Variants in OLFM3 observed in about 807,000 individuals in gnomAD.
The protein encoded by OLFM3 is olfactomedin 3, also known as noelin-3.
OLFM3 carries 20 observed loss-of-function variants against 48.6 expected under a neutral mutation model. The ratio of observed to expected loss-of-function variants is 0.41; its 90% CI spans 0.29 to 0.60. The LOEUF (loss-of-function observed/expected upper bound fraction) is 0.60, where lower values mean the gene tolerates loss of function less well. Among genes scored for constraint, OLFM3 ranks in the 20% least tolerant of loss-of-function variants. OLFM3 has a pLI of 0.28. For missense variants in OLFM3, 437 were observed against 544.3 expected (o/e 0.80, Z 1.96); for synonymous variants, 222 against 198.1 (o/e 1.12, Z -1.01).
At chr1:101,901,156 C>T (rs1658374943) in intron 1 of OLFM3, among the ~76,000 whole-genome samples, 1 of 151,678 alleles carries the variant, frequency 6.6e-6, no homozygotes, top group Non-Finnish European at 1.5e-5. Context: ...ACCAGCACCC[C>T]TGCTGGTTTT....
intron 1 of OLFM3, among the ~76,000 whole-genome samples, chr1:101,951,895 C>G (rs974015505): frequency 3.9e-5 from 6 of 151,988 alleles, no homozygotes; most frequent in Non-Finnish European, 7.4e-5. Context: ...ATTTTTCTAT[C>G]TTTATAAAGA....
At chr1:101,925,963 A>T (rs1432852511) in intron 1 of OLFM3, among the ~76,000 whole-genome samples, 1 of 152,186 alleles carries the variant, frequency 6.6e-6, no homozygotes, top group Non-Finnish European at 1.5e-5. Context: ...GAATATATTA[A>T]TCACATTTTT....
intron 1 of OLFM3, among the ~76,000 whole-genome samples, chr1:101,929,291 T>C (rs1659372090): frequency 6.6e-6 from 1 of 152,140 alleles, no homozygotes; most frequent in Admixed American, 6.6e-5. Flanking sequence ...GCTAAGTCCT[T>C]CCAAAAGTAT....
chr1:101,808,677 C>T (rs1653900335), intron 4 of OLFM3, among the ~76,000 whole-genome samples: 1 of 151,838 alleles, frequency 6.6e-6, no homozygotes, highest in Admixed American at 6.6e-5. Flanking sequence ...GCCTCCTACA[C>T]AATGACGTTG....
intron 1 of OLFM3, among the ~76,000 whole-genome samples, chr1:101,966,317 T>TTGTGTGTGTG (rs60173488): frequency 9.4e-4 from 121 of 128,148 alleles, no homozygotes; most frequent in Middle Eastern, 3.9e-3. Context: ...CCTGGCTAAT[T>TTGTGTGTGTG]TGTGTGTGTG....
intron 1 of OLFM3, among the ~76,000 whole-genome samples, chr1:101,897,550 G>A (rs979823074): frequency 3.9e-5 from 6 of 152,092 alleles, no homozygotes; most frequent in African/African-American, 1.2e-4. Flanking sequence ...GTGAAAAACA[G>A]TGTAAATTAA....
chr1:101,882,397 T>C lies in OLFM3; in HGVS notation c.70-45372A>G, dbSNP rs548479035. 1.0e-4 allele frequency: 15 copies of C among 149,988 alleles called. 1 individual carries two copies. In the South Asian group the frequency reaches 1.7e-3, roughly 17 times the overall value. 9.3% of individuals were successfully genotyped at this position (149,988 alleles called of 1,614,324 possible). On this transcript the variant is annotated intron_variant, in intron 1 of 5. Transcript: ENST00000370103. ...GTTCTGATATTGTTATATAATCATA[T>C]ATAGAATATCCATATATATTGGATT...
At chr1:101,911,814 TTA>T (rs1212102714) in intron 1 of OLFM3, among the ~76,000 whole-genome samples, 1 of 152,134 alleles carries the variant, frequency 6.6e-6, no homozygotes, top group Non-Finnish European at 1.5e-5. Flanking sequence ...ATACAGGCAT[TTA>T]TATGAGTCTT....
At chr1:101,854,305 A>T (rs935186453) in intron 1 of OLFM3, among the ~76,000 whole-genome samples, 2 of 151,970 alleles carry the variant, frequency 1.3e-5, no homozygotes, top group Admixed American at 1.3e-4. Context: ...TGAGGTTTCA[A>T]TATTGTCTTA....
At chr1:101,953,127 G>T (rs977222855) in intron 1 of OLFM3, among the ~76,000 whole-genome samples, 1 of 151,872 alleles carries the variant, frequency 6.6e-6, no homozygotes, top group Non-Finnish European at 1.5e-5. Context: ...ATAGCATGTC[G>T]GACATACTGG....
At chr1:101,963,158 A>T (rs910584991) in intron 1 of OLFM3, among the ~76,000 whole-genome samples, 8 of 152,094 alleles carry the variant, frequency 5.3e-5, no homozygotes, top group African/African-American at 1.9e-4. Flanking sequence ...GGGTCGCCCT[A>T]TTGGGCAGGA....
intron 1 of OLFM3, among the ~76,000 whole-genome samples, chr1:101,887,436 T>C (rs1054899811): frequency 1.3e-5 from 2 of 151,900 alleles, no homozygotes; most frequent in Admixed American, 6.6e-5. Flanking sequence ...AATGAACATA[T>C]AACATATTTA....
rs1653624934 is a variant in OLFM3 at position 101,803,991 on chromosome 1, T to TC, written c.*246dup. On this transcript the variant is annotated 3_prime_UTR_variant, in exon 6 of 6. Coordinates refer to ENST00000370103, the MANE Select transcript of OLFM3 (RefSeq NM_058170.4). Reference sequence around the variant, plus strand: ...AAACTATGACTTTAGCCACTTAAACTCTTTTTTTTTTTAGTGCTTTTCATG... The same window carrying TC: ...AAACTATGACTTTAGCCACTTAAACTCCTTTTTTTTTTTAGTGCTTTTCATG... 1 of 272,372 alleles carries TC rather than the reference T, an allele frequency of 3.7e-6. No individual in the cohort carries two copies. The highest frequency in any genetic ancestry group is 6.6e-6 in the Non-Finnish European group (1 of 151,454). 16.9% of individuals were successfully genotyped at this position (272,372 alleles called of 1,614,324 possible). A position where few individuals can be genotyped will look rare whatever the true frequency, so the allele number is the denominator to read the frequency against.
At chr1:101,837,366 C>T (rs1238265419) in intron 1 of OLFM3, among the ~76,000 whole-genome samples, 1 of 152,024 alleles carries the variant, frequency 6.6e-6, no homozygotes, top group Non-Finnish European at 1.5e-5. Flanking sequence ...TATGACTCGT[C>T]TTTCTACATA....
chr1:101,995,457 C>T (rs1661531299), intron 1 of OLFM3, among the ~76,000 whole-genome samples: 1 of 152,092 alleles, frequency 6.6e-6, no homozygotes, highest in South Asian at 2.1e-4. Flanking sequence ...ATGACATTCA[C>T]ACAGAGTGAA....
chr1:101,990,378 G>A (rs991890063), intron 1 of OLFM3, among the ~76,000 whole-genome samples: 11 of 152,234 alleles, frequency 7.2e-5, no homozygotes, highest in Admixed American at 2.6e-4. Flanking sequence ...TATATGGTCC[G>A]CAATAGACTT....
intron 1 of OLFM3, among the ~76,000 whole-genome samples, chr1:101,909,173 A>G (rs995538738): frequency 3.3e-5 from 5 of 152,166 alleles, no homozygotes; most frequent in African/African-American, 1.2e-4. Context: ...TCTCTGAGAA[A>G]CCACTCAGCT....
chr1:101,906,048 G>A (rs148167221), intron 1 of OLFM3, among the ~76,000 whole-genome samples: 321 of 152,102 alleles, frequency 2.1e-3, no homozygotes, highest in Non-Finnish European at 3.4e-3. Flanking sequence ...GCTGAATTTC[G>A]AATGATTTCT....
At chr1:101,907,392 G>A (rs570976216) in intron 1 of OLFM3, among the ~76,000 whole-genome samples, 106 of 152,216 alleles carry the variant, frequency 7.0e-4, no homozygotes, top group African/African-American at 2.5e-3. Context: ...GCAGACAATG[G>A]GATACTGGTT....
Sources: allele counts gnomAD v4.1 joint callset (sites outside exome capture counted in the v4.1 genomes callset), GRCh38; gene constraint gnomAD v4.1.1; transcripts MANE v1.5; gene names NCBI Gene and HGNC (gene_info 2026-07-23, HGNC 2026-07-21).